Variants in NRG1 observed in about 807,000 individuals in gnomAD.
NRG1 encodes the protein pro-neuregulin-1, membrane-bound isoform.
A neutral mutation model predicts 63.8 loss-of-function variants in NRG1; 18 were observed. The observed-to-expected ratio is 0.28, with a 90% CI of 0.19 to 0.42. NRG1 has a LOEUF of 0.42. Among genes scored for constraint, NRG1 ranks in the 10% least tolerant of loss-of-function variants. NRG1 has a pLI of 1.00. For missense variants in NRG1, 762 were observed against 814.7 expected (o/e 0.94, Z 0.79); for synonymous variants, 302 against 301.3 (o/e 1.00, Z -0.02).
intron 1 of NRG1, among the ~76,000 whole-genome samples, chr8:32,114,435 C>G (rs1205452599): frequency 1.3e-5 from 2 of 152,206 alleles, no homozygotes; most frequent in South Asian, 2.1e-4. Context: ...ATAACTGTGT[C>G]TCCAGATGGC....
At chr8:31,993,499 A>G (rs1167306857) in intron 1 of NRG1, among the ~76,000 whole-genome samples, 1 of 151,974 alleles carries the variant, frequency 6.6e-6, no homozygotes, top group Non-Finnish European at 1.5e-5. Context: ...CCTGGTAAGT[A>G]AATAAGTCTC....
intron 1 of NRG1, among the ~76,000 whole-genome samples, chr8:31,772,925 C>T (rs1586301488): frequency 6.6e-6 from 1 of 152,266 alleles, no homozygotes. Context: ...ATGTAATCTC[C>T]TATGCACAAA....
At chr8:32,755,630 C>T (rs76376058) in intron 8 of NRG1, among the ~76,000 whole-genome samples, 1,574 of 152,236 alleles carry the variant, frequency 0.01, 29 homozygotes, top group African/African-American at 0.036. Flanking sequence ...CATTCTCACG[C>T]GTATACATGG....
At chr8:32,399,980 T>C (rs1296586814) in intron 1 of NRG1, among the ~76,000 whole-genome samples, 1 of 152,210 alleles carries the variant, frequency 6.6e-6, no homozygotes, top group Non-Finnish European at 1.5e-5. Flanking sequence ...TCTCCCCATA[T>C]CACCTCTCTG....
intron 1 of NRG1, among the ~76,000 whole-genome samples, chr8:31,980,031 A>G (rs1007147062): frequency 1.3e-5 from 2 of 152,084 alleles, no homozygotes; most frequent in African/African-American, 2.4e-5. Context: ...ACCATCTGAA[A>G]TAGGTGCTAT....
intron 1 of NRG1, among the ~76,000 whole-genome samples, chr8:32,425,088 A>T (rs1240938280): frequency 2.0e-5 from 3 of 152,198 alleles, no homozygotes; most frequent in African/African-American, 7.2e-5. Context: ...ATATATCAGT[A>T]GCATTTCTCC....
chr8:31,640,452 G>C lies in NRG1; in HGVS notation c.37+1021G>C. 6.4e-7 allele frequency: 1 copy of C among 1,559,502 alleles called. No homozygotes were observed. Among genetic ancestry groups the C allele is most frequent in the South Asian group, 1.2e-5 (1 of 85,124 alleles). ...TGCCCAGCGCCGGCGAGCCCGGGGA[G>C]GAGGCGCCCTATCTGGTGAAGGTGC... On this transcript the variant is annotated intron_variant, in intron 1 of 10. Coordinates refer to the NRG1 transcript ENST00000519301. The surrounding 1 kb of genome is among the most constrained non-coding windows in gnomAD (Gnocchi z 6.3).
intron 1 of NRG1, among the ~76,000 whole-genome samples, chr8:32,122,273 G>C (rs1430769047): frequency 6.6e-6 from 1 of 151,940 alleles, no homozygotes; most frequent in African/African-American, 2.4e-5. Flanking sequence ...CTAAGCTACT[G>C]GTTCTCAGTA....
chr8:32,568,651 G>A (rs1221450713), intron 1 of NRG1, among the ~76,000 whole-genome samples: 4 of 152,120 alleles, frequency 2.6e-5, no homozygotes, highest in Non-Finnish European at 5.9e-5. Context: ...ATAGGGCCCG[G>A]CATCCTGTGT....
intron 1 of NRG1, among the ~76,000 whole-genome samples, chr8:32,463,591 A>G (rs12056895): frequency 0.31 from 47,264 of 151,966 alleles, 7,588 homozygotes; most frequent in South Asian, 0.35. Context: ...GCCTGGAACC[A>G]TAGCACTTTG....
intron 1 of NRG1, among the ~76,000 whole-genome samples, chr8:32,418,359 A>T (rs1393075624): frequency 6.6e-6 from 1 of 151,128 alleles, no homozygotes; most frequent in Non-Finnish European, 1.5e-5. Flanking sequence ...TTAATAATAT[A>T]CTCTCTTTAA....
intron 1 of NRG1, among the ~76,000 whole-genome samples, chr8:32,253,320 TG>T (rs1004195377): frequency 4.0e-4 from 61 of 152,288 alleles, no homozygotes; most frequent in Non-Finnish European, 7.8e-4. Context: ...TGATATTGCC[TG>T]GGGGGTTGCC....
chr8:32,429,600 T>C lies in NRG1; in HGVS notation c.38-166228T>C, dbSNP rs559666681. Reference sequence around the variant, plus strand: ...AGAAGAAATAATGCTTTGTTTTCAGTAGAGGAAAATAAAAGCTTCATTTGA... The same window carrying C: ...AGAAGAAATAATGCTTTGTTTTCAGCAGAGGAAAATAAAAGCTTCATTTGA... On this transcript the variant is annotated intron_variant, in intron 1 of 10. Coordinates refer to the NRG1 transcript ENST00000519301. Among the ~76,000 whole-genome samples, 38 of 152,352 alleles carry C rather than the reference T, an allele frequency of 2.5e-4. No homozygotes were observed. The South Asian group carries it at 2.7e-3, about 11-fold the overall frequency.
chr8:31,939,442 C>T (rs1801417445), intron 1 of NRG1, among the ~76,000 whole-genome samples: 1 of 151,834 alleles, frequency 6.6e-6, no homozygotes, highest in Non-Finnish European at 1.5e-5. Flanking sequence ...ACTCAAAATA[C>T]ACCAAAATAG....
At chr8:32,341,272 T>C (rs1804041366) in intron 1 of NRG1, among the ~76,000 whole-genome samples, 1 of 152,228 alleles carries the variant, frequency 6.6e-6, no homozygotes, top group Admixed American at 6.5e-5. Flanking sequence ...TTTGCATTTC[T>C]AGAACATACT....
In NRG1 at chr8:32,463,314, G is replaced by T. The variant is rs546109601; in HGVS notation, c.38-132514G>T. Among the ~76,000 whole-genome samples, 94 of 152,250 alleles carry T rather than the reference G, an allele frequency of 6.2e-4. 1 individual carries two copies. The highest frequency in any genetic ancestry group is 1.0e-3 in the Non-Finnish European group (69 of 68,020). ...ATTTCATCTCTTTTGGGCATACCCA[G>T]AAGAGGGATTGCTGGATCATATGGT... On this transcript the variant is annotated intron_variant, in intron 1 of 10. Transcript: ENST00000519301.
intron 1 of NRG1, among the ~76,000 whole-genome samples, chr8:31,748,302 C>T (rs1433008082): frequency 2.6e-5 from 4 of 151,934 alleles, no homozygotes; most frequent in Non-Finnish European, 4.4e-5. Context: ...CTGCCATTAA[C>T]TCATTGAGTC....
At chr8:32,539,846 CTA>C (rs1168682186) in intron 1 of NRG1, among the ~76,000 whole-genome samples, 4 of 151,722 alleles carry the variant, frequency 2.6e-5, no homozygotes, top group Non-Finnish European at 5.9e-5. Flanking sequence ...TGAGATTTTA[CTA>C]TGAGTCCCAG....
chr8:32,101,014 G>T (rs1830499504), intron 1 of NRG1, among the ~76,000 whole-genome samples: 1 of 123,500 alleles, frequency 8.1e-6, no homozygotes, highest in African/African-American at 2.9e-5. Context: ...GCCAAAATTT[G>T]TATTTATTCC....
Sources: allele counts gnomAD v4.1 joint callset (sites outside exome capture counted in the v4.1 genomes callset), GRCh38; gene constraint gnomAD v4.1.1; non-coding constraint Gnocchi (gnomAD v3.1); transcripts MANE v1.5; gene names NCBI Gene and HGNC (gene_info 2026-07-23, HGNC 2026-07-21).